ARL13B: variants seen among roughly 807,000 people sequenced by gnomAD.
The protein encoded by ARL13B is ARF like GTPase 13B.
ARL13B carries 36 observed loss-of-function variants against 56.1 expected under a neutral mutation model. The observed-to-expected ratio is 0.64, with a 90% CI of 0.49 to 0.85. ARL13B has a LOEUF of 0.85. ARL13B is among the 40% of genes least tolerant of loss of function. The probability of loss-of-function intolerance (pLI) is 0.00; values close to 1 mark genes in which losing one functional copy is unlikely to be tolerated. For missense variants in ARL13B, 519 were observed against 507.1 expected (o/e 1.02, Z -0.23); for synonymous variants, 178 against 171.1 (o/e 1.04, Z -0.32).
chr3:94,024,807 C>CT (rs1285087288), intron 3 of ARL13B, among the ~76,000 whole-genome samples: 1 of 152,048 alleles, frequency 6.6e-6, no homozygotes, highest in African/African-American at 2.4e-5. Flanking sequence ...AGGCTGATCT[C>CT]TAACTCCTGG....
intron 7 of ARL13B, among the ~76,000 whole-genome samples, chr3:94,045,345 C>T (rs2076962769): frequency 6.6e-6 from 1 of 151,642 alleles, no homozygotes; most frequent in Non-Finnish European, 1.5e-5. Flanking sequence ...AAACCAGAGA[C>T]CTTTGTTCAC....
intron 3 of ARL13B, among the ~76,000 whole-genome samples, chr3:94,009,678 G>A (rs2076191639): frequency 6.6e-6 from 1 of 151,944 alleles, no homozygotes; most frequent in Non-Finnish European, 1.5e-5. Flanking sequence ...GAATTTATAA[G>A]GTCTATTGGC....
intron 1 of ARL13B, among the ~76,000 whole-genome samples, chr3:93,983,428 G>C (rs1049398514): frequency 6.6e-6 from 1 of 152,088 alleles, no homozygotes; most frequent in African/African-American, 2.4e-5. Context: ...ATGAATCAAT[G>C]AATGTGGAAA....
chr3:94,014,844 G>A, intron 3 of ARL13B: 3 of 1,613,994 alleles, frequency 1.9e-6, no homozygotes, highest in Non-Finnish European at 1.7e-6. Context: ...GCTGAAAATG[G>A]CGGAACATTG....
Position 93,997,160 on chromosome 3 carries a change from A to G in ARL13B, c.130+1216A>G, listed in dbSNP as rs543928517. On this transcript the variant is annotated intron_variant, in intron 2 of 9. Coordinates refer to ENST00000394222, the MANE Select transcript of ARL13B (RefSeq NM_001174150.2). ...TGGTGAGTTGTATAATTATTTCATT[A>G]TGTATTACAATGTAATAATAATAGA... is the stretch of plus-strand genomic sequence containing the variant. Among the ~76,000 whole-genome samples the G allele has an allele frequency of 2.6e-5, 4 of 152,224 alleles. No homozygotes were observed. In the East Asian group the frequency reaches 7.7e-4, roughly 29 times the overall value.
At position 94,049,494 on chromosome 3, in the gene ARL13B, T is replaced by TC; in HGVS notation, c.1115dup (p.Thr373AsnfsTer15). ...ATATAGATGACTGTGCTCCTGAGAG[T>TC]CCAACGCCACCCCCACCCCCTCCTC... On this transcript the variant is annotated frameshift_variant, in exon 8 of 10. Transcript: ENST00000394222. LOFTEE classifies it high-confidence loss of function. 1 of 1,610,330 alleles carries TC rather than the reference T, an allele frequency of 6.2e-7. No individual in the cohort carries two copies. The highest frequency in any genetic ancestry group is 8.5e-7 in the Non-Finnish European group (1 of 1,178,426).
In ARL13B at chr3:94,036,647, T is replaced by C; in HGVS notation, c.582T>C (p.Phe194=). The C allele has an allele frequency of 6.2e-7, 1 of 1,614,142 alleles. No individual in the cohort carries two copies. Among genetic ancestry groups the C allele is most frequent in the Non-Finnish European group, 8.5e-7 (1 of 1,180,030 alleles). Residue 194 remains phenylalanine, a synonymous_variant, in exon 5 of 10, where the codon TTT becomes TTC. Coordinates refer to ENST00000394222, the MANE Select transcript of ARL13B (RefSeq NM_001174150.2). ...YWLLHVIARD[F]DALNERIQKE... ...TGCTACATGTTATTGCAAGAGACTT[T>C]GATGCCTTAAATGAACGCATCCAAA...
chr3:93,996,139 T>C (rs1390810315), intron 2 of ARL13B, among the ~76,000 whole-genome samples, 195 bp downstream of exon 2: 2 of 152,224 alleles, frequency 1.3e-5, no homozygotes, highest in Non-Finnish European at 2.9e-5. Context: ...TGTTTCAGAT[T>C]TGAATACATG....
chr3:94,011,581 A>G (rs1045499457), intron 3 of ARL13B, among the ~76,000 whole-genome samples: 3 of 152,102 alleles, frequency 2.0e-5, no homozygotes, highest in Non-Finnish European at 2.9e-5. Context: ...CTTTTCTTCT[A>G]TAGTATGGAA....
At chr3:94,015,182 CCT>C in intron 3 of ARL13B, 1 of 1,613,718 alleles carries the variant, frequency 6.2e-7, no homozygotes, top group Non-Finnish European at 8.5e-7. Context: ...ACCCCTTGTT[CCT>C]CTGTTTCTGT....
At chr3:94,019,608 T>G (rs2076406985) in intron 3 of ARL13B, among the ~76,000 whole-genome samples, 1 of 149,910 alleles carries the variant, frequency 6.7e-6, no homozygotes, top group Admixed American at 6.7e-5. Flanking sequence ...ACCTCTGGTC[T>G]TTTCTTAACA....
chr3:94,040,347 A>G (rs971436348), intron 6 of ARL13B, among the ~76,000 whole-genome samples: 2 of 152,160 alleles, frequency 1.3e-5, no homozygotes, highest in East Asian at 1.9e-4. Context: ...TATTGCTGTT[A>G]CTGTCCATCT....
intron 1 of ARL13B, among the ~76,000 whole-genome samples, chr3:93,986,740 G>A (rs1710481934): frequency 6.6e-6 from 1 of 152,124 alleles, no homozygotes; most frequent in African/African-American, 2.4e-5. Flanking sequence ...TGGCCGTGGT[G>A]GATGGATCAG....
intron 2 of ARL13B, 127 bp downstream of exon 2, chr3:93,996,071 T>C: frequency 1.0e-6 from 1 of 972,778 alleles, no homozygotes; most frequent in African/African-American, 1.6e-5. Flanking sequence ...TTTATATTCT[T>C]AGTATATTTG....
At chr3:94,043,292 C>G in intron 7 of ARL13B, 52 bp downstream of exon 7, 1 of 1,435,358 alleles carries the variant, frequency 7.0e-7, no homozygotes, top group Non-Finnish European at 9.5e-7. Context: ...ATAAATAAAA[C>G]TTATACTTCA....
chr3:94,029,301 CATATATATATATATATATAT>C (rs1242349606), intron 3 of ARL13B, among the ~76,000 whole-genome samples: 5 of 77,208 alleles, frequency 6.5e-5, no homozygotes, highest in South Asian at 5.7e-4. Context: ...CTATCAAAAT[CATATATATATATATATATAT>C]ATATATATAT....
intron 7 of ARL13B, among the ~76,000 whole-genome samples, chr3:94,045,769 T>A (rs1277615650): frequency 1.3e-5 from 2 of 151,030 alleles, no homozygotes; most frequent in Non-Finnish European, 3.0e-5. Context: ...GAGACCACAG[T>A]AGAGACCCCG....
At chr3:93,988,577 C>A in intron 1 of ARL13B, 1 of 376,900 alleles carries the variant, frequency 2.7e-6, no homozygotes. Flanking sequence ...ATAAAAATAC[C>A]CTGGATTGTA....
chr3:94,015,423 A>G (rs2076310940), intron 3 of ARL13B: 1 of 540,706 alleles, frequency 1.8e-6, no homozygotes, highest in African/African-American at 1.9e-5. Context: ...AGAAAAAACC[A>G]ATGAGTTTCC....
Sources: allele counts gnomAD v4.1 joint callset (sites outside exome capture counted in the v4.1 genomes callset), GRCh38; gene constraint gnomAD v4.1.1; transcripts MANE v1.5; gene names NCBI Gene and HGNC (gene_info 2026-07-23, HGNC 2026-07-21).